Variants in SGCD observed in about 807,000 individuals in gnomAD.
The protein encoded by SGCD is delta-sarcoglycan.
In SGCD, 18 loss-of-function variants were observed where a neutral mutation model predicts 36.6. The observed-to-expected ratio is 0.49, with a 90% CI of 0.34 to 0.73. SGCD has a LOEUF of 0.73. Ranked by LOEUF, SGCD falls within the 30% of genes least tolerant of loss-of-function variation. The probability of loss-of-function intolerance (pLI) is 0.01; values close to 1 mark genes in which losing one functional copy is unlikely to be tolerated. For synonymous variants in SGCD, 133 were observed against 130.6 expected, an observed-to-expected ratio of 1.02 and a Z score of -0.12; for missense variants, 387 against 346.7, an observed-to-expected ratio of 1.12 and a Z score of -0.92.
At chr5:155,912,878 T>C (rs1464125815) in intron 1 of SGCD, among the ~76,000 whole-genome samples, 2 of 152,144 alleles carry the variant, frequency 1.3e-5, no homozygotes, top group Non-Finnish European at 2.9e-5. Flanking sequence ...TAAATTCCTC[T>C]CTTCTACATT....
intron 1 of SGCD, among the ~76,000 whole-genome samples, chr5:156,107,343 C>G (rs1274651661): frequency 6.6e-6 from 1 of 152,108 alleles, no homozygotes; most frequent in Non-Finnish European, 1.5e-5. Flanking sequence ...ATGTGAAAAA[C>G]AACTTTACAT....
chr5:155,736,077 C>A, the SGCD span, among the ~76,000 whole-genome samples: 1 of 152,162 alleles, frequency 6.6e-6, no homozygotes, highest in Admixed American at 6.5e-5. Flanking sequence ...CCAAATGGAT[C>A]AGCCTAACTA....
intron 6 of SGCD, among the ~76,000 whole-genome samples, chr5:156,634,284 A>G (rs1219583996): frequency 6.6e-6 from 1 of 152,108 alleles, no homozygotes. Flanking sequence ...GAGGGTGAGC[A>G]CCAGGAAGAA....
At chr5:155,858,409 C>T in the SGCD span, among the ~76,000 whole-genome samples, 1 of 152,126 alleles carries the variant, frequency 6.6e-6, no homozygotes, top group Non-Finnish European at 1.5e-5. Context: ...AATTATCACT[C>T]AGAAAACTTG....
intron 7 of SGCD, among the ~76,000 whole-genome samples, chr5:156,711,345 T>C (rs17665136): frequency 0.05 from 7,601 of 152,264 alleles, 249 homozygotes; most frequent in East Asian, 0.079. Context: ...ATGGCCACCA[T>C]TGATGTAGCT....
At chr5:156,550,326 C>T (rs894815818) in intron 4 of SGCD, among the ~76,000 whole-genome samples, 1 of 152,172 alleles carries the variant, frequency 6.6e-6, no homozygotes, top group Non-Finnish European at 1.5e-5. Flanking sequence ...AATGGACATT[C>T]TATAAGAAGG....
chr5:156,233,064 G>C (rs1236444396), intron 3 of SGCD, among the ~76,000 whole-genome samples: 1 of 152,118 alleles, frequency 6.6e-6, no homozygotes, highest in African/African-American at 2.4e-5. Flanking sequence ...ATATATTCTT[G>C]ACAATAGGAC....
chr5:156,199,067 A>C (rs907482228), intron 3 of SGCD, among the ~76,000 whole-genome samples: 4 of 152,208 alleles, frequency 2.6e-5, no homozygotes, highest in East Asian at 3.9e-4. Flanking sequence ...AGCCCTAAAC[A>C]CATGTAGATA....
At chr5:156,533,316 G>C (rs191725091) in intron 4 of SGCD, among the ~76,000 whole-genome samples, 52 of 152,066 alleles carry the variant, frequency 3.4e-4, no homozygotes, top group Admixed American at 2.8e-3. Flanking sequence ...ACTTCTCTCT[G>C]TCCGTACCTT....
intron 3 of SGCD, among the ~76,000 whole-genome samples, chr5:156,208,418 T>A (rs1764347289): frequency 6.6e-6 from 1 of 152,230 alleles, no homozygotes; most frequent in Non-Finnish European, 1.5e-5. Context: ...TAGGGTTGAC[T>A]GCCAGGAACT....
At chr5:156,166,112 G>T (rs1024419500) in intron 3 of SGCD, among the ~76,000 whole-genome samples, 2 of 152,074 alleles carry the variant, frequency 1.3e-5, no homozygotes, top group South Asian at 2.1e-4. Context: ...GGCTTTTTGG[G>T]ATTATCAGAG....
intron 2 of SGCD, among the ~76,000 whole-genome samples, chr5:156,118,764 A>G (rs1761963965): frequency 6.6e-6 from 1 of 152,166 alleles, no homozygotes; most frequent in South Asian, 2.1e-4. Context: ...CTGGCAAGAG[A>G]TTAGATATCT....
chr5:156,546,947 T>C (rs1353040447), intron 4 of SGCD, among the ~76,000 whole-genome samples: 1 of 152,238 alleles, frequency 6.6e-6, no homozygotes, highest in Admixed American at 6.5e-5. Context: ...TGTCAGGAAG[T>C]AATACACTGG....
At chr5:156,725,782 C>T (rs1286402378) in intron 7 of SGCD, among the ~76,000 whole-genome samples, 1 of 152,270 alleles carries the variant, frequency 6.6e-6, no homozygotes, top group East Asian at 1.9e-4. Flanking sequence ...AGGGCATTGG[C>T]AGGCTTGATA....
intron 4 of SGCD, 91 bp from the exon 5 acceptor site, chr5:156,589,140 G>T: frequency 3.2e-6 from 3 of 923,196 alleles, no homozygotes; most frequent in Non-Finnish European, 5.1e-6. Context: ...CTTGGCTAAA[G>T]CCATTTCAGC....
At chr5:156,735,640 C>T (rs953956910) in intron 7 of SGCD, among the ~76,000 whole-genome samples, 5 of 152,156 alleles carry the variant, frequency 3.3e-5, no homozygotes, top group African/African-American at 7.2e-5. Flanking sequence ...AGCTCTGTCC[C>T]GGGTAGGTGC....
At chr5:156,581,775 G>T (rs1409626621) in intron 4 of SGCD, among the ~76,000 whole-genome samples, 1 of 152,226 alleles carries the variant, frequency 6.6e-6, no homozygotes, top group East Asian at 1.9e-4. Flanking sequence ...AAGACCATTG[G>T]AAAAGTGCAG....
At chr5:155,856,609 G>C in the SGCD span, among the ~76,000 whole-genome samples, 1 of 151,844 alleles carries the variant, frequency 6.6e-6, no homozygotes, top group Non-Finnish European at 1.5e-5. Context: ...ATCCGATAAA[G>C]GATCTGTTTA....
chr5:155,786,597 A>G, the SGCD span, among the ~76,000 whole-genome samples: 4 of 152,112 alleles, frequency 2.6e-5, no homozygotes, highest in African/African-American at 9.7e-5. Flanking sequence ...GAGTCAGGTT[A>G]AGGCAAAATA....
Sources: gnomAD v4.1 joint callset for allele counts (sites outside exome capture counted in the v4.1 genomes callset) on GRCh38, gnomAD v4.1.1 for gene constraint, MANE v1.5 for transcripts, NCBI Gene and HGNC (gene_info 2026-07-23, HGNC 2026-07-21) for gene names.